Variants in NRAP observed in about 807,000 individuals in gnomAD.
NRAP encodes the protein nebulin related anchoring protein.
A neutral mutation model predicts 225.9 loss-of-function variants in NRAP; 189 were observed. The ratio of observed to expected loss-of-function variants is 0.84; its 90% CI spans 0.74 to 0.94. The LOEUF (loss-of-function observed/expected upper bound fraction) is 0.94, where lower values mean the gene tolerates loss of function less well. Among genes scored for constraint, NRAP ranks in the 40% least tolerant of loss-of-function variants. The pLI, the probability that NRAP is intolerant of heterozygous loss-of-function variation, is 0.00. For missense variants in NRAP, 2,176 were observed against 2,168.7 expected (o/e 1.00, Z -0.07); for synonymous variants, 769 against 790.7 (o/e 0.97, Z 0.46).
chr10:113,654,829 C>T (rs191149472), intron 4 of NRAP, among the ~76,000 whole-genome samples: 8 of 152,282 alleles, frequency 5.3e-5, no homozygotes, highest in East Asian at 3.9e-4. Flanking sequence ...GGTTTACTAA[C>T]GCATCCCAAA....
chr10:113,642,872 G>C (rs1176986994), intron 12 of NRAP, 62 bp downstream of exon 12: 1 of 856,794 alleles, frequency 1.2e-6, no homozygotes, highest in East Asian at 2.4e-5. Context: ...GTCCCTCTTA[G>C]GAGACCTAAA....
intron 23 of NRAP, 98 bp from the exon 24 acceptor site, chr10:113,622,278 C>T (rs1449599857): frequency 2.6e-6 from 2 of 768,968 alleles, no homozygotes; most frequent in Non-Finnish European, 2.2e-6. Context: ...AGCCATTGGA[C>T]AGAATCCTAT....
chr10:113,614,374 A>G, intron 28 of NRAP, 78 bp from the exon 29 acceptor site: 1 of 1,025,334 alleles, frequency 9.8e-7, no homozygotes. Flanking sequence ...CATTGGGTGA[A>G]AATGTTTTGT....
In NRAP at chr10:113,633,050, C is replaced by T. The variant is rs375518555; in HGVS notation, c.1632+34G>A. ...TCTTTGTTTTCACATCGCTCTATAA[C>T]CCCCTCCACCGTCTCCCCACATTGC... On this transcript the variant is annotated intron_variant, in intron 16 of 41. Coordinates refer to ENST00000359988, the MANE Select transcript of NRAP (RefSeq NM_198060.4). The T allele has an allele frequency of 7.3e-5, 77 of 1,060,528 alleles. No homozygotes were observed. In the Middle Eastern group the frequency reaches 7.5e-4, roughly 10 times the overall value. 65.7% of individuals were successfully genotyped at this position (1,060,528 alleles called of 1,614,324 possible).
In NRAP at chr10:113,621,904, C is replaced by A. The variant is rs2133984148; in HGVS notation, c.2734G>T (p.Glu912Ter). 1.9e-6 allele frequency: 3 copies of A among 1,613,426 alleles called. No individual in the cohort carries two copies. Among genetic ancestry groups the A allele is most frequent in the Non-Finnish European group, 2.5e-6 (3 of 1,179,378 alleles). The change falls in exon 24 of 42, where the codon GAA becomes TAA. Residue 912 changes from glutamate to a stop codon, truncating the protein, a stop_gained. Transcript: ENST00000359988. LOFTEE classifies it high-confidence loss of function. The part of the protein sequence containing the change: ...FTALPTDMKV[E>*]WAKKAYGLQS... ...AAGCCATAAGCCTTCTTGGCCCATTCCACCTTCATGTCTGTGGGCAAAGCC... is the reference window on the plus strand; with the variant it reads ...AAGCCATAAGCCTTCTTGGCCCATTACACCTTCATGTCTGTGGGCAAAGCC...
At chr10:113,590,538 CA>C in intron 40 of NRAP, 39 bp downstream of exon 40, 1 of 1,577,166 alleles carries the variant, frequency 6.3e-7, no homozygotes, top group South Asian at 1.1e-5. Context: ...GAAGAGGCAC[CA>C]GGGGAAGGGC....
At chr10:113,654,923 A>G (rs544283188) in intron 4 of NRAP, among the ~76,000 whole-genome samples, 1 of 152,166 alleles carries the variant, frequency 6.6e-6, no homozygotes, top group South Asian at 2.1e-4. Context: ...CATGAATAAA[A>G]GCATGAAGGC....
At chr10:113,590,410 AGTG>A (rs11575795) in intron 40 of NRAP, among the ~76,000 whole-genome samples, 165 bp downstream of exon 40, 1,562 of 152,284 alleles carry the variant, frequency 0.01, 32 homozygotes, top group African/African-American at 0.036. Flanking sequence ...ACACTCGAGA[AGTG>A]GTGGTTATTA....
Position 113,663,355 on chromosome 10 carries a change from T to A in NRAP, c.164A>T (p.His55Leu), listed in dbSNP as rs756164769. ...FVSHQKKPYC[H>L]AHNPKNNTFT... ...GGTGGGGGCATCAAACACTTACGCG[T>A]GACAGTACGGCTTTTTCTGGTGACT... Residue 55 changes from histidine (H) to leucine (L), a missense_variant, in exon 2 of 42, where the codon CAC (histidine) becomes CTC (leucine). Physicochemically the swap from His to Leu is moderately conservative, Grantham distance 99. Coordinates refer to ENST00000359988, the MANE Select transcript of NRAP (RefSeq NM_198060.4). The A allele has an allele frequency of 3.8e-6, 6 of 1,599,644 alleles. No individual in the cohort carries two copies. The Admixed American group carries it at 8.3e-5, about 22-fold the overall frequency.
intron 35 of NRAP, among the ~76,000 whole-genome samples, chr10:113,600,155 T>TTCTCTC (rs10529111): frequency 0.034 from 4,797 of 140,238 alleles, 225 homozygotes; most frequent in African/African-American, 0.09. Flanking sequence ...AGGGGTTATA[T>TTCTCTC]TCTCTCTCTC....
At chr10:113,599,239 C>G (rs1235528845) in intron 35 of NRAP, among the ~76,000 whole-genome samples, 1 of 152,188 alleles carries the variant, frequency 6.6e-6, no homozygotes, top group Non-Finnish European at 1.5e-5. Context: ...GGGTCCGTTT[C>G]TGATCTACTG....
intron 38 of NRAP, 146 bp from the exon 39 acceptor site, chr10:113,592,447 C>G: frequency 4.0e-6 from 2 of 506,224 alleles, no homozygotes; most frequent in East Asian, 3.2e-5. Flanking sequence ...TGGCGACTCC[C>G]TAGCACTGGG....
intron 25 of NRAP, among the ~76,000 whole-genome samples, chr10:113,620,104 G>A (rs1847902060): frequency 1.3e-5 from 2 of 152,188 alleles, no homozygotes; most frequent in African/African-American, 2.4e-5. Context: ...CAGTGGTGCT[G>A]TAGGGTCCAG....
intron 39 of NRAP, 31 bp downstream of exon 39, chr10:113,592,163 G>A: frequency 7.2e-7 from 1 of 1,384,820 alleles, no homozygotes; most frequent in Non-Finnish European, 1.0e-6. Flanking sequence ...AAACTCATCA[G>A]TGACCGCAGG....
chr10:113,620,606 C>T lies in NRAP; in HGVS notation c.2872G>A (p.Glu958Lys). 1.9e-6 allele frequency: 3 copies of T among 1,600,594 alleles called. No individual in the cohort carries two copies. Among genetic ancestry groups the T allele is most frequent in the South Asian group, 1.1e-5 (1 of 90,806 alleles). Residue 958 changes from glutamate (E) to lysine (K), a missense_variant and splice_region_variant, in exon 25 of 42, where the codon GAG becomes AAG. Glu to Lys is a moderately conservative substitution (Grantham distance 56). Coordinates refer to ENST00000359988, the MANE Select transcript of NRAP (RefSeq NM_198060.4). ...QAKKAGELIS[E>K]KKYRQHPDAL... ...TACAGGCTGTCAGGAAATCTCACCT[C>T]GCTAATGAGTTCTCCTGCCTTCTTC...
At chr10:113,653,102 C>A in intron 5 of NRAP, 63 bp from the exon 6 acceptor site, 1 of 885,098 alleles carries the variant, frequency 1.1e-6, no homozygotes, top group Admixed American at 2.5e-5. Flanking sequence ...ACTAAGAAAA[C>A]CGCAATAAAA....
In NRAP at chr10:113,592,349, G is replaced by A. The variant is rs778618909; in HGVS notation, c.4537-48C>T. ...TGAGTAAGCAGGCAGTCACTCCACTGTCTTCCATGTTGCTGGTACTCAGCA... is the reference window on the plus strand; with the variant it reads ...TGAGTAAGCAGGCAGTCACTCCACTATCTTCCATGTTGCTGGTACTCAGCA... On this transcript the variant is annotated intron_variant, in intron 38 of 41. Coordinates refer to ENST00000359988, the MANE Select transcript of NRAP (RefSeq NM_198060.4). The A allele has an allele frequency of 4.5e-5, 56 of 1,255,674 alleles. No individual in the cohort carries two copies. The South Asian group carries it at 6.8e-4, about 15-fold the overall frequency. 77.8% of individuals were successfully genotyped at this position (1,255,674 alleles called of 1,614,324 possible).
intron 40 of NRAP, among the ~76,000 whole-genome samples, chr10:113,590,078 A>G (rs1845869560): frequency 6.6e-6 from 1 of 152,106 alleles, no homozygotes; most frequent in Non-Finnish European, 1.5e-5. Context: ...CACCTGCTCC[A>G]CACACTCTGT....
chr10:113,662,873 C>A, intron 2 of NRAP, 107 bp from the exon 3 acceptor site: 72 of 508,142 alleles, frequency 1.4e-4, no homozygotes, highest in East Asian at 1.5e-4. Context: ...TTTAAAAAAT[C>A]AATAAATGTA....
Sources: allele counts gnomAD v4.1 joint callset (sites outside exome capture counted in the v4.1 genomes callset), GRCh38; gene constraint gnomAD v4.1.1; transcripts MANE v1.5; gene names NCBI Gene and HGNC (gene_info 2026-07-23, HGNC 2026-07-21).